Variants in RAPGEF2 observed in about 807,000 individuals in gnomAD.
RAPGEF2 encodes the protein PDZ domain containing guanine nucleotide exchange factor (GEF) 1.
A neutral mutation model predicts 186.7 loss-of-function variants in RAPGEF2; 54 were observed. The ratio of observed to expected loss-of-function variants is 0.29; its 90% confidence interval spans 0.23 to 0.36. RAPGEF2 has a LOEUF of 0.36. Among genes scored for constraint, RAPGEF2 ranks in the 10% least tolerant of loss-of-function variants. The probability of loss-of-function intolerance (pLI) is 1.00; values close to 1 mark genes in which losing one functional copy is unlikely to be tolerated. For synonymous variants in RAPGEF2, 712 were observed against 705.9 expected (o/e 1.01, Z -0.14); for missense variants, 1,532 against 2,045.0 (o/e 0.75, Z 4.84).
rs1479486816 is a variant in RAPGEF2 at position 159,105,737 on chromosome 4, GCA to G, written c.69+1509_69+1510del. Among the ~76,000 whole-genome samples the G allele has an allele frequency of 2.6e-5, 4 of 152,296 alleles. No homozygotes were observed. In the East Asian group the frequency reaches 7.7e-4, roughly 29 times the overall value. On this transcript the variant is annotated intron_variant, in intron 1 of 29. Coordinates refer to ENST00000691494, the MANE Select transcript of RAPGEF2 (RefSeq NM_001394067.2). ...GGATCAGTCTTCTGCATCTGAAAAT[GCA>G]CATTCCCTGTCTCAGTGTGAAGGAA...
rs560873617 is a variant in RAPGEF2 at position 159,159,273 on chromosome 4, G to C, written c.70-27369G>C. ...TTACAAACAACAAGTTGTACCCTCA[G>C]ATTCCACTGTTAGGCAAATATGGTT... On this transcript the variant is annotated intron_variant, in intron 1 of 29. Transcript: ENST00000691494. Among the ~76,000 whole-genome samples the C allele has an allele frequency of 2.0e-5, 3 of 152,274 alleles. No individual in the cohort carries two copies. In the South Asian group the frequency reaches 6.2e-4, roughly 32 times the overall value.
At position 159,307,330 on chromosome 4, in the gene RAPGEF2, A is replaced by C. The variant is rs75326292; in HGVS notation, c.675+2857A>C. Among the ~76,000 whole-genome samples the C allele has an allele frequency of 8.1e-3, 1,235 of 152,246 alleles. 13 individuals are homozygous for C. Among genetic ancestry groups the C allele is most frequent in the African/African-American group, 0.028 (1,164 of 41,552 alleles). On this transcript the variant is annotated intron_variant, in intron 8 of 29. Transcript: ENST00000691494. ...TCCTAAATTTAGTAGATCTTGAAAAATAATTTTCTTTTAAAGAGATAGTAT... is the reference window on the plus strand; with the variant it reads ...TCCTAAATTTAGTAGATCTTGAAAACTAATTTTCTTTTAAAGAGATAGTAT...
At chr4:159,298,504 A>G (rs544350210) in intron 7 of RAPGEF2, among the ~76,000 whole-genome samples, 9 of 152,360 alleles carry the variant, frequency 5.9e-5, no homozygotes, top group South Asian at 2.1e-4. Context: ...ATGAGCTACT[A>G]AAAAATTTCC....
chr4:159,315,204 T>C (rs948991913), intron 9 of RAPGEF2, among the ~76,000 whole-genome samples: 26 of 152,224 alleles, frequency 1.7e-4, no homozygotes, highest in Admixed American at 3.3e-4. Flanking sequence ...AAGACGCAAG[T>C]GGGTGGAAGG....
chr4:159,131,519 A>ATTTTTTTTTTTTT (rs35670450), intron 1 of RAPGEF2, among the ~76,000 whole-genome samples: 1 of 37,208 alleles, frequency 2.7e-5, no homozygotes, highest in East Asian at 7.0e-4. Context: ...ATTAATTGCT[A>ATTTTTTTTTTTTT]TTTTTTTTTT....
chr4:159,249,431 G>A (rs1191246690), intron 7 of RAPGEF2, among the ~76,000 whole-genome samples: 1 of 151,422 alleles, frequency 6.6e-6, no homozygotes, highest in Admixed American at 6.6e-5. Flanking sequence ...CTCTCTTTTG[G>A]TTTTGAATGC....
chr4:159,217,873 A>G (rs931722557), intron 4 of RAPGEF2, among the ~76,000 whole-genome samples: 1 of 152,192 alleles, frequency 6.6e-6, no homozygotes. Context: ...ATGGTATCTC[A>G]CTGTGGCTTT....
In RAPGEF2 at chr4:159,171,467, A is replaced by G. The variant is rs1412901968; in HGVS notation, c.70-15175A>G. 2.0e-5 allele frequency among the ~76,000 whole-genome samples: 3 copies of G among 152,138 alleles called. No homozygotes were observed. In the East Asian group the frequency reaches 5.8e-4, roughly 29 times the overall value. On this transcript the variant is annotated intron_variant, in intron 1 of 29. Coordinates refer to ENST00000691494, the MANE Select transcript of RAPGEF2 (RefSeq NM_001394067.2). The stretch of plus-strand genomic sequence containing the variant: ...CCAAGCTGGTAAATGGCAGTCAGAT[A>G]CTGAACTCAGTCAGTGTTGCTCAAG...
At chr4:159,237,247 C>T (rs754149987) in intron 4 of RAPGEF2, among the ~76,000 whole-genome samples, 2 of 152,124 alleles carry the variant, frequency 1.3e-5, no homozygotes, top group Non-Finnish European at 2.9e-5. Flanking sequence ...TCTCGAACTC[C>T]TGGGCTCAAG....
intron 1 of RAPGEF2, among the ~76,000 whole-genome samples, chr4:159,125,649 T>C (rs978813753): frequency 6.6e-6 from 1 of 151,854 alleles, no homozygotes; most frequent in African/African-American, 2.4e-5. Flanking sequence ...TCCCAGCTGC[T>C]CAGGAGGCTG....
At chr4:159,262,879 T>G (rs1757033226) in intron 7 of RAPGEF2, among the ~76,000 whole-genome samples, 1 of 152,106 alleles carries the variant, frequency 6.6e-6, no homozygotes, top group Non-Finnish European at 1.5e-5. Flanking sequence ...ATCATGGTGA[T>G]CTTTTTGAAC....
intron 1 of RAPGEF2, among the ~76,000 whole-genome samples, chr4:159,118,974 T>A (rs912878228): frequency 6.6e-6 from 1 of 152,224 alleles, no homozygotes; most frequent in Non-Finnish European, 1.5e-5. Context: ...TGATATTCAT[T>A]ACTCTTTTAC....
chr4:159,133,464 T>C (rs1275966110), intron 1 of RAPGEF2, among the ~76,000 whole-genome samples: 1 of 151,688 alleles, frequency 6.6e-6, no homozygotes, highest in Non-Finnish European at 1.5e-5. Flanking sequence ...CAGGCTGGAG[T>C]GTAGTGGTGC....
intron 11 of RAPGEF2, chr4:159,326,728 C>G (rs930828062): frequency 6.6e-6 from 1 of 152,250 alleles, no homozygotes; most frequent in Non-Finnish European, 1.5e-5. Flanking sequence ...TAATGGTTTT[C>G]CATTACCCAC....
At chr4:159,335,421 G>A (rs1009268228) in intron 17 of RAPGEF2, among the ~76,000 whole-genome samples, 6 of 152,176 alleles carry the variant, frequency 3.9e-5, no homozygotes, top group Admixed American at 2.0e-4. Flanking sequence ...TTCTGAATTA[G>A]GTCTTGGATA....
chr4:159,120,498 AT>A (rs1461402318), intron 1 of RAPGEF2, among the ~76,000 whole-genome samples: 8 of 152,224 alleles, frequency 5.3e-5, no homozygotes, highest in African/African-American at 1.9e-4. Flanking sequence ...CTAAGAATGC[AT>A]TGTGTCCTAT....
At chr4:159,286,419 C>T (rs1180945065) in intron 7 of RAPGEF2, among the ~76,000 whole-genome samples, 1 of 152,100 alleles carries the variant, frequency 6.6e-6, no homozygotes, top group Non-Finnish European at 1.5e-5. Flanking sequence ...CCTTATTTCT[C>T]ATCTGCCCTT....
At chr4:159,264,336 T>C (rs1757199192) in intron 7 of RAPGEF2, among the ~76,000 whole-genome samples, 1 of 152,198 alleles carries the variant, frequency 6.6e-6, no homozygotes, top group Non-Finnish European at 1.5e-5. Context: ...TTTTACTTCA[T>C]CTATAAGGTT....
chr4:159,354,665 G>A (rs1731696115), intron 28 of RAPGEF2, among the ~76,000 whole-genome samples: 1 of 152,222 alleles, frequency 6.6e-6, no homozygotes, highest in Non-Finnish European at 1.5e-5. Flanking sequence ...ATACAAAACA[G>A]TGCCTGTTTC....
Sources: allele counts gnomAD v4.1 joint callset (sites outside exome capture counted in the v4.1 genomes callset), GRCh38; gene constraint gnomAD v4.1.1; transcripts MANE v1.5; gene names NCBI Gene and HGNC (gene_info 2026-07-23, HGNC 2026-07-21).